Variants in CNTN5 observed in about 807,000 individuals in gnomAD.
The protein encoded by CNTN5 is contactin-5.
In CNTN5, 77 loss-of-function variants were observed where a neutral mutation model predicts 129.1. The ratio of observed to expected loss-of-function variants is 0.60; its 90% CI spans 0.50 to 0.72. The LOEUF (loss-of-function observed/expected upper bound fraction) is 0.72. Among genes scored for constraint, CNTN5 ranks in the 30% least tolerant of loss-of-function variants. CNTN5 has a pLI of 0.00. For missense variants in CNTN5, 1,478 were observed against 1,328.8 expected (o/e 1.11, Z -1.75); for synonymous variants, 509 against 465.6 (o/e 1.09, Z -1.20).
intron 2 of CNTN5, among the ~76,000 whole-genome samples, chr11:99,407,623 C>T (rs1390263634): frequency 6.6e-6 from 1 of 152,138 alleles, no homozygotes; most frequent in Non-Finnish European, 1.5e-5. Context: ...TCCAGTTCAG[C>T]ACTAGGACTC....
At chr11:100,303,934 A>T (rs539764578) in intron 20 of CNTN5, among the ~76,000 whole-genome samples, 1 of 151,770 alleles carries the variant, frequency 6.6e-6, no homozygotes, top group South Asian at 2.1e-4. Flanking sequence ...ATTTTTAAAT[A>T]ATGAAACCAT....
chr11:100,350,665 T>C, intron 23 of CNTN5, 37 bp from the exon 24 acceptor site: 2 of 1,511,518 alleles, frequency 1.3e-6, no homozygotes, highest in Non-Finnish European at 1.8e-6. Flanking sequence ...TTTGTAATCT[T>C]TCATATCAAA....
chr11:99,253,629 T>C (rs895783803), intron 1 of CNTN5, among the ~76,000 whole-genome samples: 1 of 151,864 alleles, frequency 6.6e-6, no homozygotes, highest in African/African-American at 2.4e-5. Flanking sequence ...AATTGACTCT[T>C]CCCACCCCTG....
intron 13 of CNTN5, among the ~76,000 whole-genome samples, chr11:100,108,937 C>G (rs954272056): frequency 4.6e-5 from 7 of 151,964 alleles, no homozygotes; most frequent in East Asian, 3.9e-4. Context: ...GTCTTGAGAG[C>G]TGGCTCTAGA....
intron 1 of CNTN5, among the ~76,000 whole-genome samples, chr11:99,043,793 G>A (rs1173934057): frequency 2.0e-5 from 3 of 152,090 alleles, no homozygotes; most frequent in African/African-American, 4.8e-5. Context: ...GATATTAGAC[G>A]GCATTAACTA....
intron 2 of CNTN5, among the ~76,000 whole-genome samples, chr11:99,362,869 T>C (rs1179138846): frequency 6.6e-6 from 1 of 151,950 alleles, no homozygotes; most frequent in Non-Finnish European, 1.5e-5. Flanking sequence ...TTGTATATTC[T>C]ATTCTGTAGG....
rs545487589 is a variant in CNTN5, at chr11:99,558,509, G to A, written c.55+2240G>A. 1.2e-4 allele frequency among the ~76,000 whole-genome samples: 18 copies of A among 152,018 alleles called. 1 individual carries two copies. The South Asian group carries it at 2.5e-3, about 21-fold the overall frequency. On this transcript the variant is annotated intron_variant, in intron 3 of 24. Coordinates refer to ENST00000524871, the MANE Select transcript of CNTN5 (RefSeq NM_014361.4). ...ATCTGACAATGCTAGAAAGAAAGAA[G>A]GTGGTGTTCTATAATAATACTGTAA...
intron 3 of CNTN5, among the ~76,000 whole-genome samples, chr11:99,677,818 C>CT (rs914639744): frequency 6.6e-6 from 1 of 151,972 alleles, no homozygotes; most frequent in Non-Finnish European, 1.5e-5. Context: ...TGTCTGTTGA[C>CT]TTTTTTCAAA....
intron 21 of CNTN5, among the ~76,000 whole-genome samples, chr11:100,335,034 A>G (rs1952004462): frequency 6.6e-6 from 1 of 151,192 alleles, no homozygotes; most frequent in African/African-American, 2.4e-5. Context: ...ACATTCATCC[A>G]TTATAGCAAA....
At chr11:100,101,574 C>CT (rs1945225800) in intron 13 of CNTN5, among the ~76,000 whole-genome samples, 1 of 151,994 alleles carries the variant, frequency 6.6e-6, no homozygotes, top group South Asian at 2.1e-4. Flanking sequence ...CCAATGTATT[C>CT]TTTTTTTAAT....
intron 6 of CNTN5, among the ~76,000 whole-genome samples, chr11:99,861,174 G>A (rs1948195616): frequency 6.6e-6 from 1 of 151,870 alleles, no homozygotes; most frequent in African/African-American, 2.4e-5. Context: ...AGCCAGGATG[G>A]TCTCAATCTC....
chr11:99,970,945 C>T (rs993143485), intron 8 of CNTN5, among the ~76,000 whole-genome samples: 1 of 152,118 alleles, frequency 6.6e-6, no homozygotes, highest in East Asian at 1.9e-4. Flanking sequence ...TCATGAAGTA[C>T]CCTCTTAACT....
chr11:99,369,740 A>G (rs887838723), intron 2 of CNTN5, among the ~76,000 whole-genome samples: 4 of 152,152 alleles, frequency 2.6e-5, no homozygotes, highest in Non-Finnish European at 4.4e-5. Flanking sequence ...GTGGAAGTTG[A>G]TTATTTTATT....
At chr11:99,288,720 A>C (rs555929985) in intron 1 of CNTN5, among the ~76,000 whole-genome samples, 1 of 152,026 alleles carries the variant, frequency 6.6e-6, no homozygotes, top group Non-Finnish European at 1.5e-5. Context: ...ATGAAAACTA[A>C]ATTCACTTCA....
intron 3 of CNTN5, among the ~76,000 whole-genome samples, chr11:99,737,869 A>C (rs189450265): frequency 3.7e-4 from 57 of 152,234 alleles, no homozygotes; most frequent in Middle Eastern, 3.4e-3. Context: ...AACGTCACTA[A>C]AATAAAATAT....
Position 99,656,421 on chromosome 11 carries a change from A to C in CNTN5, c.55+100152A>C, listed in dbSNP as rs376407078. Among the ~76,000 whole-genome samples the C allele has an allele frequency of 3.9e-5, 6 of 152,260 alleles. No individual in the cohort carries two copies. The East Asian group carries it at 1.2e-3, about 29-fold the overall frequency. ...AAGCTTTCTCCTGTCCAAAAACTTA[A>C]GTTCATAGAAATGATGATGCAAAGC... On this transcript the variant is annotated intron_variant, in intron 3 of 24. Transcript: ENST00000524871.
chr11:100,143,732 G>A (rs1361820105), intron 13 of CNTN5, among the ~76,000 whole-genome samples: 2 of 152,144 alleles, frequency 1.3e-5, no homozygotes, highest in Non-Finnish European at 2.9e-5. Flanking sequence ...TTTAGAGCCA[G>A]TGTGGCAAAT....
At chr11:99,429,661 C>G (rs1007616964) in intron 2 of CNTN5, among the ~76,000 whole-genome samples, 1 of 151,954 alleles carries the variant, frequency 6.6e-6, no homozygotes, top group African/African-American at 2.4e-5. Context: ...TAAATTTAGG[C>G]TCTATCTTTT....
intron 1 of CNTN5, among the ~76,000 whole-genome samples, chr11:99,105,546 T>A (rs12807978): frequency 5.9e-5 from 9 of 151,854 alleles, no homozygotes; most frequent in African/African-American, 1.7e-4. Flanking sequence ...GCAGCAACTC[T>A]TAAGAGATCT....
Sources: allele counts gnomAD v4.1 joint callset (sites outside exome capture counted in the v4.1 genomes callset), GRCh38; gene constraint gnomAD v4.1.1; transcripts MANE v1.5; gene names NCBI Gene and HGNC (gene_info 2026-07-23, HGNC 2026-07-21).